The following IQSEC2 variants were observed in gnomAD, a reference collection of about 807,000 sequenced individuals.
IQSEC2 encodes the protein IQ motif and SEC7 domain-containing protein 2.
A neutral mutation model predicts 74.6 loss-of-function variants in IQSEC2; 6 were observed. That is an observed-to-expected ratio of 0.08 (90% confidence interval 0.04 to 0.16). The LOEUF is 0.16. Ranked by LOEUF, IQSEC2 falls within the 10% of genes least tolerant of loss-of-function variation. IQSEC2 has a pLI of 1.00. For missense variants in IQSEC2, 734 were observed against 1,306.2 expected (o/e 0.56, Z 6.75); for synonymous variants, 494 against 544.5 (o/e 0.91, Z 1.29).
At chrX:53,304,097 T>C (rs782407186) in intron 1 of IQSEC2, among the ~76,000 whole-genome samples, 21 of 105,870 alleles carry the variant, frequency 2.0e-4, no homozygotes, top group African/African-American at 7.3e-4. Context: ...ATTGCACCAC[T>C]GCACTCCAGC....
chrX:53,294,086 TC>T (rs782610821), intron 1 of IQSEC2, among the ~76,000 whole-genome samples: 29 of 111,727 alleles, frequency 2.6e-4, no homozygotes, highest in Non-Finnish European at 5.1e-4. Flanking sequence ...TCCCTTATCT[TC>T]ATTCCTCAAT....
intron 4 of IQSEC2, among the ~76,000 whole-genome samples, chrX:53,253,270 G>A (rs1206357575): frequency 1.8e-5 from 2 of 112,336 alleles, no homozygotes; most frequent in Non-Finnish European, 3.8e-5. Flanking sequence ...TATATTACCT[G>A]TATAGTTGCA....
chrX:53,272,538 G>A (rs1360661162), intron 2 of IQSEC2, among the ~76,000 whole-genome samples: 1 of 111,278 alleles, frequency 9.0e-6, no homozygotes, highest in Non-Finnish European at 1.9e-5. Context: ...TGACAAAGTT[G>A]GGACTGAAAT....
chrX:53,270,544 G>A (rs1171556308), intron 2 of IQSEC2, among the ~76,000 whole-genome samples: 1 of 111,044 alleles, frequency 9.0e-6, no homozygotes, highest in African/African-American at 3.3e-5. Context: ...CTCTCAAAAG[G>A]CACCCCAACA....
chrX:53,320,193 C>T (rs2075415361), intron 1 of IQSEC2, among the ~76,000 whole-genome samples: 1 of 111,304 alleles, frequency 9.0e-6, no homozygotes, highest in African/African-American at 3.3e-5. Context: ...CCCTCGCTGG[C>T]CGCGGTACCG....
At position 53,238,036 on chromosome X, in the gene IQSEC2, G is replaced by C. The variant is rs978397733; in HGVS notation, c.3277+109C>G. The C allele has an allele frequency of 4.7e-5, 42 of 896,193 alleles. No homozygotes were observed. In the African/African-American group the frequency reaches 7.6e-4, roughly 16 times the overall value. The allele number at this position is 896,193 out of a possible 1,213,427, so 73.9% of individuals were successfully genotyped here. On this transcript the variant is annotated intron_variant, in intron 12 of 14. Transcript: ENST00000642864. ...AGAATTCTTGAAATGAGGATGGGAA[G>C]GTTGGACAAGCTAACCCTCAACTCT...
At chrX:53,308,668 A>C (rs1356335029) in intron 1 of IQSEC2, among the ~76,000 whole-genome samples, 1 of 111,664 alleles carries the variant, frequency 9.0e-6, no homozygotes, top group Non-Finnish European at 1.9e-5. Context: ...GGATGGCACT[A>C]ATAACTATGT....
At chrX:53,263,639 G>A (rs988351119) in intron 2 of IQSEC2, among the ~76,000 whole-genome samples, 13 of 110,032 alleles carry the variant, frequency 1.2e-4, no homozygotes, top group Non-Finnish European at 1.9e-4. Context: ...TTCACCCCCC[G>A]ACTTGCTTGA....
downstream of IQSEC2, chrX:53,227,268 A>T (rs927599282): frequency 4.6e-5 from 7 of 153,283 alleles, no homozygotes; most frequent in Non-Finnish European, 7.5e-5. Flanking sequence ...TAAGCATCTA[A>T]TTGCCTACAT....
intron 2 of IQSEC2, among the ~76,000 whole-genome samples, chrX:53,284,978 T>C (rs1186550593): frequency 2.7e-5 from 3 of 112,277 alleles, no homozygotes; most frequent in Non-Finnish European, 5.6e-5. Flanking sequence ...CGATAAACCT[T>C]CTGCTCCCTT....
chrX:53,242,044 C>T (rs2074230528), intron 9 of IQSEC2, 135 bp from the exon 10 acceptor site: 2 of 758,899 alleles, frequency 2.6e-6, no homozygotes, highest in Admixed American at 5.3e-5. Flanking sequence ...GTATCAGCAA[C>T]TAAGACCTAA....
chrX:53,243,492 G>A lies in IQSEC2; in HGVS notation c.2750-21C>T, dbSNP rs201896833. ...AACCCCTGGGGGAGGGAGTAACACA[G>A]GGATATGTCACATAATTATGGGCAC... On this transcript the variant is annotated intron_variant, in intron 8 of 14. Transcript: ENST00000642864. The A allele has an allele frequency of 3.7e-5, 43 of 1,155,902 alleles. No homozygotes were observed. The Middle Eastern group carries it at 7.2e-4, about 19-fold the overall frequency.
chrX:53,258,331 C>T (rs1433890203), intron 2 of IQSEC2, among the ~76,000 whole-genome samples: 1 of 111,908 alleles, frequency 8.9e-6, no homozygotes, highest in Non-Finnish European at 1.9e-5. Context: ...TATTTGTGTT[C>T]ATGACTCCCA....
At chrX:53,293,566 A>G (rs782581339) in intron 1 of IQSEC2, among the ~76,000 whole-genome samples, 1 of 111,925 alleles carries the variant, frequency 8.9e-6, no homozygotes, top group Non-Finnish European at 1.9e-5. Context: ...CCTGACTTCA[A>G]TGACTCCCCA....
Position 53,235,016 on chromosome X carries a change from G to T in IQSEC2, c.3670C>A (p.Pro1224Thr). 5.1e-6 allele frequency: 6 copies of T among 1,166,763 alleles called. No homozygotes were observed. Among genetic ancestry groups the T allele is most frequent in the Non-Finnish European group, 5.7e-6 (5 of 872,766 alleles). ...GAGGAGGCAGAGGCCTGGCCTGTTG[G>T]CGGTGGTGGCATCTGGAAGGGCCCC... is the stretch of plus-strand genomic sequence containing the variant. Reference protein sequence around the residue: ...GKGPFQMPPPPTGQASASSSS... With the variant: ...GKGPFQMPPPTTGQASASSSS... Residue 1224 changes from proline to threonine, a missense_variant, in exon 15 of 15, where the codon CCA (proline) becomes ACA (threonine). Transcript: ENST00000642864.
chrX:53,312,631 G>A (rs2075332489), intron 1 of IQSEC2, among the ~76,000 whole-genome samples: 1 of 112,046 alleles, frequency 8.9e-6, no homozygotes, highest in Non-Finnish European at 1.9e-5. Context: ...TGTGCTCAGC[G>A]CTTCACCTAC....
In IQSEC2 at chrX:53,237,866, T is replaced by C. The variant is rs1602262440; in HGVS notation, c.3277+279A>G. On this transcript the variant is annotated intron_variant, in intron 12 of 14. Transcript: ENST00000642864. ...GAGTAGTATACCTGGGATCTAAAAC[T>C]ATAGTCCTACCTCCAATACTCTGAT... 4 of 372,197 alleles carry C rather than the reference T, an allele frequency of 1.1e-5. No individual in the cohort carries two copies. The East Asian group carries it at 1.9e-4, about 18-fold the overall frequency. The allele number at this position is 372,197 out of a possible 1,213,427, so 30.7% of individuals were successfully genotyped here.
intron 1 of IQSEC2, among the ~76,000 whole-genome samples, chrX:53,311,121 C>CAAAAAAAAAAAAAAGAAAAAAA (rs1296500809): frequency 4.6e-5 from 1 of 21,571 alleles, no homozygotes; most frequent in East Asian, 4.6e-3. Flanking sequence ...GACTCCATCT[C>CAAAAAAAAAAAAAAGAAAAAAA]AAAAAAAAAA....
chrX:53,266,431 C>A (rs2074657522), intron 2 of IQSEC2: 1 of 752,389 alleles, frequency 1.3e-6, no homozygotes, highest in African/African-American at 2.3e-5. Flanking sequence ...ATGGGAGTGG[C>A]AGAGGGCATG....
Sources: allele counts gnomAD v4.1 joint callset (sites outside exome capture counted in the v4.1 genomes callset), GRCh38; gene constraint gnomAD v4.1.1; transcripts MANE v1.5; gene names NCBI Gene and HGNC (gene_info 2026-07-23, HGNC 2026-07-21).